The following CCDC7 variants were observed in gnomAD, a reference collection of about 807,000 sequenced individuals.
The protein encoded by CCDC7 is coiled-coil domain containing 7.
A neutral mutation model predicts 196.9 loss-of-function variants in CCDC7; 183 were observed. That is an observed-to-expected ratio of 0.93 (90% CI 0.82 to 1.05). The LOEUF (loss-of-function observed/expected upper bound fraction) is 1.05, where lower values mean the gene tolerates loss of function less well. CCDC7 is among the 50% of genes least tolerant of loss of function. CCDC7 has a pLI of 0.00. For synonymous variants in CCDC7, 525 were observed against 484.6 expected, an observed-to-expected ratio of 1.08 and a Z score of -1.10; for missense variants, 1,540 against 1,482.2, an observed-to-expected ratio of 1.04 and a Z score of -0.64.
intron 30 of CCDC7, among the ~76,000 whole-genome samples, chr10:32,807,801 G>T (rs954697570): frequency 2.0e-5 from 3 of 151,920 alleles, no homozygotes; most frequent in African/African-American, 7.3e-5. Flanking sequence ...ATGCAGCATA[G>T]TGCCTTTTTT....
chr10:32,608,686 C>T (rs11598243), intron 18 of CCDC7, among the ~76,000 whole-genome samples: 11,494 of 152,056 alleles, frequency 0.076, 530 homozygotes, highest in East Asian at 0.16. Context: ...GACTACAGGC[C>T]TGCGCCACCA....
At chr10:32,529,198 T>C (rs1484966222) in intron 11 of CCDC7, among the ~76,000 whole-genome samples, 2 of 152,044 alleles carry the variant, frequency 1.3e-5, no homozygotes, top group African/African-American at 4.8e-5. Context: ...AATTTTTGTA[T>C]TTTTAGTAGA....
chr10:32,552,106 A>T, intron 13 of CCDC7, among the ~76,000 whole-genome samples: 1 of 152,136 alleles, frequency 6.6e-6, no homozygotes, highest in East Asian at 1.9e-4. Context: ...AATGTTTAGG[A>T]TTGTGATATT....
intron 28 of CCDC7, among the ~76,000 whole-genome samples, chr10:32,745,088 T>TTCAAAAG (rs1380792169): frequency 6.6e-6 from 1 of 152,244 alleles, no homozygotes; most frequent in Admixed American, 6.5e-5. Context: ...CCTTTCGTCA[T>TTCAAAAG]CAAATTGCCT....
chr10:32,619,909 C>CTTTTTTTT (rs1564846884), intron 18 of CCDC7, among the ~76,000 whole-genome samples: 1 of 95,990 alleles, frequency 1.0e-5, no homozygotes, highest in African/African-American at 5.0e-5. Flanking sequence ...CTTCAATGTA[C>CTTTTTTTT]CTTTTTTTTT....
chr10:32,737,221 C>T (rs1321920116), intron 28 of CCDC7, among the ~76,000 whole-genome samples: 2 of 152,072 alleles, frequency 1.3e-5, no homozygotes, highest in African/African-American at 4.8e-5. Context: ...TTGGTTGTGG[C>T]ATATAATTCT....
intron 39 of CCDC7, among the ~76,000 whole-genome samples, chr10:32,851,342 A>G (rs1055430946): frequency 2.6e-5 from 4 of 152,100 alleles, no homozygotes; most frequent in Non-Finnish European, 4.4e-5. Context: ...GTAGTTCTTC[A>G]GGAGCATATT....
chr10:32,595,492 C>A (rs909420399), intron 18 of CCDC7, among the ~76,000 whole-genome samples: 4 of 152,280 alleles, frequency 2.6e-5, no homozygotes, highest in East Asian at 1.9e-4. Context: ...TTTCAAAAAA[C>A]CATCTCCTGG....
intron 24 of CCDC7, among the ~76,000 whole-genome samples, chr10:32,706,479 T>A (rs374536497): frequency 6.6e-6 from 1 of 151,834 alleles, no homozygotes; most frequent in South Asian, 2.1e-4. Flanking sequence ...CAGAGCAGAA[T>A]TGAAGGAGAT....
intron 11 of CCDC7, among the ~76,000 whole-genome samples, chr10:32,524,258 T>C (rs775159884): frequency 6.6e-6 from 1 of 152,166 alleles, no homozygotes. Context: ...AGAATACACG[T>C]GGAAAGAAAA....
At chr10:32,706,253 T>G (rs1045945419) in intron 24 of CCDC7, among the ~76,000 whole-genome samples, 2 of 151,966 alleles carry the variant, frequency 1.3e-5, no homozygotes, top group Admixed American at 1.3e-4. Context: ...CAGAAATAAA[T>G]ATGTTCTTTG....
At position 32,836,279 on chromosome 10, in the gene CCDC7, G is replaced by C. The variant is rs544441806; in HGVS notation, c.3352+1381G>C. On this transcript the variant is annotated intron_variant, in intron 33 of 41. Coordinates refer to ENST00000639629, the Ensembl canonical transcript of CCDC7. ...AGAGGAACAATATTAGAATCTTCTTGTTGTGGAGAAAGATAATGTAGTAAA... is the reference window on the plus strand; with the variant it reads ...AGAGGAACAATATTAGAATCTTCTTCTTGTGGAGAAAGATAATGTAGTAAA... 4.6e-5 allele frequency among the ~76,000 whole-genome samples: 7 copies of C among 152,194 alleles called. No homozygotes were observed. The East Asian group carries it at 1.4e-3, about 29-fold the overall frequency.
At position 32,757,805 on chromosome 10, in the gene CCDC7, A is replaced by C. The variant is rs565242588; in HGVS notation, c.2906-21172A>C. Among the ~76,000 whole-genome samples the C allele has an allele frequency of 9.2e-5, 14 of 152,332 alleles. No homozygotes were observed. The East Asian group carries it at 2.7e-3, about 29-fold the overall frequency. ...GAAAAAACCCTTCAAAAAATCAATG[A>C]ATCCAGGAGCTGTTTTATTTGAAAA... On this transcript the variant is annotated intron_variant, in intron 28 of 41. Transcript: ENST00000639629.
chr10:32,803,766 T>C (rs2085276078), intron 29 of CCDC7, among the ~76,000 whole-genome samples: 1 of 152,200 alleles, frequency 6.6e-6, no homozygotes, highest in South Asian at 2.1e-4. Context: ...GAACTTGTTC[T>C]TGTCATTTTG....
intron 29 of CCDC7, among the ~76,000 whole-genome samples, chr10:32,799,907 A>G (rs2084421649): frequency 6.6e-6 from 1 of 152,238 alleles, no homozygotes; most frequent in African/African-American, 2.4e-5. Flanking sequence ...GAGGTAGTAC[A>G]GTAAAGGTAT....
At position 32,584,426 on chromosome 10, in the gene CCDC7, A is replaced by G. The variant is rs566056488; in HGVS notation, c.1801+122A>G. 3 of 572,906 alleles carry G rather than the reference A, an allele frequency of 5.2e-6. No homozygotes were observed. The East Asian group carries it at 9.5e-5, about 18-fold the overall frequency. 35.5% of individuals were successfully genotyped at this position (572,906 alleles called of 1,614,324 possible). ...TATACAAACAACTTGTTAGGGAGTC[A>G]CTGGATAGCATACAAATATAACGAC... On this transcript the variant is annotated intron_variant, in intron 18 of 41. Transcript: ENST00000639629.
intron 18 of CCDC7, among the ~76,000 whole-genome samples, chr10:32,591,551 A>G (rs898722314): frequency 6.6e-6 from 1 of 151,970 alleles, no homozygotes; most frequent in Admixed American, 6.6e-5. Context: ...GTTTAAAATA[A>G]TGGGTTATAT....
chr10:32,443,711 T>C (rs2030463829), upstream of CCDC7, among the ~76,000 whole-genome samples: 1 of 152,228 alleles, frequency 6.6e-6, no homozygotes, highest in South Asian at 2.1e-4. Flanking sequence ...TTTATAACTC[T>C]TGAAAACCTG....
rs767266510 is a variant in CCDC7 at position 32,584,217 on chromosome 10, A to G, written c.1729-15A>G. On this transcript the variant is annotated splice_polypyrimidine_tract_variant and intron_variant, in intron 17 of 41. Coordinates refer to ENST00000639629, the Ensembl canonical transcript of CCDC7. ...ATATAATTTCTAATTACTTATTACAACTTTTGTTATTAAGGCTGATGTTTC... is the reference window on the plus strand; with the variant it reads ...ATATAATTTCTAATTACTTATTACAGCTTTTGTTATTAAGGCTGATGTTTC... 2.0e-6 allele frequency: 3 copies of G among 1,502,586 alleles called. No individual in the cohort carries two copies. Among genetic ancestry groups the G allele is most frequent in the South Asian group, 2.6e-5 (2 of 76,888 alleles). The allele number at this position is 1,502,586 out of a possible 1,614,324, so 93.1% of individuals were successfully genotyped here. A position where few individuals can be genotyped will look rare whatever the true frequency, so the allele number is the denominator to read the frequency against.
Sources: allele counts gnomAD v4.1 joint callset (sites outside exome capture counted in the v4.1 genomes callset), GRCh38; gene constraint gnomAD v4.1.1; transcripts MANE v1.5; gene names NCBI Gene and HGNC (gene_info 2026-07-23, HGNC 2026-07-21).